The following MORN4 variants were observed in gnomAD, a reference collection of about 807,000 sequenced individuals.
MORN4 encodes MORN repeat containing 4.
A neutral mutation model predicts 16.4 loss-of-function variants in MORN4; 8 were observed. That is an observed-to-expected ratio of 0.49 (90% CI 0.29 to 0.88). The LOEUF is 0.88. Ranked by LOEUF, MORN4 falls within the 40% of genes least tolerant of loss-of-function variation. The pLI is 0.09. For synonymous variants in MORN4, 53 were observed against 68.9 expected (o/e 0.77, Z 1.14); for missense variants, 159 against 182.9 (o/e 0.87, Z 0.75).
intron 2 of MORN4, among the ~76,000 whole-genome samples, chr10:97,618,169 A>C (rs1299887722): frequency 6.6e-6 from 1 of 151,666 alleles, no homozygotes; most frequent in Non-Finnish European, 1.5e-5. Context: ...CAAGAGCAAA[A>C]CTCCATCTCA....
In MORN4 at chr10:97,615,150, C is replaced by G. The variant is rs1400678908; in HGVS notation, c.*1113G>C. On this transcript the variant is annotated 3_prime_UTR_variant, in exon 5 of 5. Coordinates refer to ENST00000307450, the MANE Select transcript of MORN4 (RefSeq NM_178832.4). ...CTCTAAGTTGATGAAAGAAGACAGC[C>G]TGTCTTCTAAAGGGAGGAGGAAATA... 1 of 152,628 alleles carries G rather than the reference C, an allele frequency of 6.6e-6. No homozygotes were observed. Among genetic ancestry groups the G allele is most frequent in the Non-Finnish European group, 1.5e-5 (1 of 68,054 alleles). The allele number at this position is 152,628 out of a possible 1,614,324, so 9.5% of individuals were successfully genotyped here.
chr10:97,628,905 T>G (rs2041371638), intron 1 of MORN4, among the ~76,000 whole-genome samples: 1 of 152,208 alleles, frequency 6.6e-6, no homozygotes, highest in Admixed American at 6.5e-5. Flanking sequence ...CCAATGAAAC[T>G]GAAAAGGTTA....
chr10:97,622,309 C>T (rs2041304562), intron 1 of MORN4, among the ~76,000 whole-genome samples: 1 of 152,072 alleles, frequency 6.6e-6, no homozygotes, highest in Non-Finnish European at 1.5e-5. Context: ...TGGGGGGATA[C>T]ATCATAGGAA....
intron 2 of MORN4, 31 bp downstream of exon 2, chr10:97,619,556 A>C: frequency 6.7e-7 from 1 of 1,501,276 alleles, no homozygotes; most frequent in African/African-American, 1.4e-5. Context: ...TGAAGTGTTC[A>C]TCATGGATAC....
At chr10:97,620,298 G>A (rs1448854344) in intron 1 of MORN4, among the ~76,000 whole-genome samples, 1 of 151,686 alleles carries the variant, frequency 6.6e-6, no homozygotes, top group Non-Finnish European at 1.5e-5. Context: ...GACCAGCCTG[G>A]CCAACATGGT....
At chr10:97,623,413 C>T (rs763760322) in intron 1 of MORN4, among the ~76,000 whole-genome samples, 6 of 152,054 alleles carry the variant, frequency 3.9e-5, no homozygotes, top group Non-Finnish European at 8.8e-5. Context: ...CCACTACAGC[C>T]TGGGTGACAG....
intron 1 of MORN4, among the ~76,000 whole-genome samples, chr10:97,621,770 C>G (rs1029154876): frequency 1.3e-5 from 2 of 151,906 alleles, no homozygotes; most frequent in Non-Finnish European, 2.9e-5. Flanking sequence ...GAGACTGATG[C>G]AGAAGAACTG....
At chr10:97,624,700 G>A (rs908646081) in intron 1 of MORN4, among the ~76,000 whole-genome samples, 1 of 152,112 alleles carries the variant, frequency 6.6e-6, no homozygotes, top group Non-Finnish European at 1.5e-5. Flanking sequence ...TTACTGGTGT[G>A]AGCATCAGTG....
In MORN4 at chr10:97,633,154, T is replaced by C. The variant is rs1438077488; in HGVS notation, c.-31+193A>G. Among the ~76,000 whole-genome samples, 2 of 152,110 alleles carry C rather than the reference T, an allele frequency of 1.3e-5. No homozygotes were observed. The highest frequency in any genetic ancestry group is 4.8e-5 in the African/African-American group (2 of 41,430). On this transcript the variant is annotated intron_variant, in intron 1 of 4. Transcript: ENST00000307450. This position sits in a 1 kb window ranked among gnomAD's most constrained non-coding sequence, Gnocchi z 4.5. The stretch of plus-strand genomic sequence containing the variant: ...TCGCTAACCCCAGTCCAGTCAGCTC[T>C]CCCGGGCCTCGACCCCCGCGGTGGA...
In MORN4 at chr10:97,617,209, T is replaced by G; in HGVS notation, c.181A>C (p.Arg61=). The G allele has an allele frequency of 6.2e-7, 1 of 1,613,112 alleles. No individual in the cohort carries two copies. Among genetic ancestry groups the G allele is most frequent in the South Asian group, 1.1e-5 (1 of 91,052 alleles). The change falls in exon 3 of 5, where the codon AGG becomes CGG. Residue 61 remains arginine, a splice_region_variant and synonymous_variant. Transcript: ENST00000307450. ...AGAAAGGAATGACCTCATACCCACC[T>G]TGAACCATCTGAGAAGGTCAATACC... ...FGVLTFSDGS[R]YEGEFAQGKF...
chr10:97,616,812 C>T (rs368050826), intron 3 of MORN4, 25 bp from the exon 4 acceptor site: 107 of 1,536,816 alleles, frequency 7.0e-5, no homozygotes, highest in Middle Eastern at 1.7e-4. Flanking sequence ...AGAAGTTAGC[C>T]TTCAGTGGAA....
At chr10:97,623,204 A>AC (rs1337983707) in intron 1 of MORN4, among the ~76,000 whole-genome samples, 1 of 152,158 alleles carries the variant, frequency 6.6e-6, no homozygotes, top group African/African-American at 2.4e-5. Context: ...TTAGATCCTT[A>AC]CTTCAAAGCT....
At chr10:97,619,473 AT>A in intron 2 of MORN4, 113 bp downstream of exon 2, 1 of 803,454 alleles carries the variant, frequency 1.2e-6, no homozygotes. Flanking sequence ...ACTATATGGA[AT>A]TAAATCCTGG....
chr10:97,624,233 A>G (rs1485943575), intron 1 of MORN4, among the ~76,000 whole-genome samples: 2 of 152,190 alleles, frequency 1.3e-5, no homozygotes, highest in Non-Finnish European at 2.9e-5. Context: ...AACAACCCAT[A>G]TGTTAAATTT....
rs77465738 is a variant in MORN4 at position 97,626,379 on chromosome 10, AAAT to A, written c.-30-6699_-30-6697del. On this transcript the variant is annotated intron_variant, in intron 1 of 4. Transcript: ENST00000307450. ...GTGACAGAGCGAGACTCTGACTCAA[AAAT>A]AATAATAATAATAATCATAATCATA... Among the ~76,000 whole-genome samples the A allele has an allele frequency of 3.7e-3, 382 of 103,532 alleles. 5 individuals are homozygous for A. Among genetic ancestry groups the A allele is most frequent in the African/African-American group, 0.017 (372 of 22,506 alleles). 67.9% of individuals were successfully genotyped at this position (103,532 alleles called of 152,430 possible).
chr10:97,617,322 C>G lies in MORN4; in HGVS notation c.68G>C (p.Gly23Ala). ...GEEYRGEWKE[G>A]RRHGFGQLMF... ...CAGTTGACCAAAACCATGCCTGCGGCCTGAACAAAGAGAAGGATAGGTGTC... is the reference window on the plus strand; with the variant it reads ...CAGTTGACCAAAACCATGCCTGCGGGCTGAACAAAGAGAAGGATAGGTGTC... The change falls in exon 3 of 5, where the codon GGC becomes GCC. Residue 23 changes from glycine (G) to alanine (A), a missense_variant and splice_region_variant. Coordinates refer to ENST00000307450, the MANE Select transcript of MORN4 (RefSeq NM_178832.4). 6.2e-7 allele frequency: 1 copy of G among 1,613,812 alleles called. No homozygotes were observed. The highest frequency in any genetic ancestry group is 8.5e-7 in the Non-Finnish European group (1 of 1,179,744).
chr10:97,625,340 CT>C (rs77400570), intron 1 of MORN4, among the ~76,000 whole-genome samples: 30,819 of 152,092 alleles, frequency 0.2, 3,988 homozygotes, highest in Admixed American at 0.29. Context: ...TTAAGTATCT[CT>C]AAATCTCAGT....
At chr10:97,616,517 C>T (rs1362848481) in intron 4 of MORN4, 106 bp from the exon 5 acceptor site, 1 of 1,355,670 alleles carries the variant, frequency 7.4e-7, no homozygotes, top group Non-Finnish European at 1.0e-6. Context: ...GAGAAAAACT[C>T]CCAGCTCTAC....
intron 1 of MORN4, among the ~76,000 whole-genome samples, chr10:97,626,457 CTTT>C (rs531941467): frequency 1.4e-5 from 2 of 142,444 alleles, no homozygotes; most frequent in African/African-American, 2.6e-5. Context: ...TGTTCTCTCT[CTTT>C]TTTTTTTTTT....
Sources: gnomAD v4.1 joint callset for allele counts (sites outside exome capture counted in the v4.1 genomes callset) on GRCh38, gnomAD v4.1.1 for gene constraint, Gnocchi (gnomAD v3.1) non-coding constraint, MANE v1.5 for transcripts, NCBI Gene and HGNC (gene_info 2026-07-23, HGNC 2026-07-21) for gene names.